The following EPHA6 variants were observed in gnomAD, a reference collection of about 807,000 sequenced individuals.
The protein encoded by EPHA6 is EPH receptor A6.
Under a neutral mutation model 112.0 loss-of-function variants are expected in EPHA6, and 50 were observed. The ratio of observed to expected loss-of-function variants is 0.45; its 90% CI spans 0.36 to 0.56. The LOEUF (loss-of-function observed/expected upper bound fraction) is 0.56, where lower values mean the gene tolerates loss of function less well. Among genes scored for constraint, EPHA6 ranks in the 20% least tolerant of loss-of-function variants. The pLI, the probability that EPHA6 is intolerant of heterozygous loss-of-function variation, is 0.00. For synonymous variants in EPHA6, 529 were observed against 490.7 expected (o/e 1.08, Z -1.03); for missense variants, 1,280 against 1,417.4 (o/e 0.90, Z 1.56).
chr3:97,562,888 A>G (rs1202892463), intron 11 of EPHA6, among the ~76,000 whole-genome samples: 2 of 152,178 alleles, frequency 1.3e-5, no homozygotes, highest in Non-Finnish European at 2.9e-5. Context: ...AAAGATTACT[A>G]CTTGCTGAGG....
intron 5 of EPHA6, among the ~76,000 whole-genome samples, chr3:97,378,742 T>C (rs2085530796): frequency 6.6e-6 from 1 of 152,192 alleles, no homozygotes; most frequent in Admixed American, 6.5e-5. Flanking sequence ...TCATGGGCCT[T>C]GTAACCCATT....
intron 5 of EPHA6, among the ~76,000 whole-genome samples, chr3:97,277,176 C>G (rs942047172): frequency 2.0e-4 from 31 of 152,072 alleles, no homozygotes; most frequent in African/African-American, 7.2e-4. Flanking sequence ...TTTGTGTGAG[C>G]AACAAGGCTA....
chr3:96,847,829 G>A (rs1361649744), intron 1 of EPHA6, among the ~76,000 whole-genome samples: 1 of 152,108 alleles, frequency 6.6e-6, no homozygotes, highest in East Asian at 1.9e-4. Context: ...AAGTAATCTA[G>A]GGGTAGGTAG....
intron 5 of EPHA6, among the ~76,000 whole-genome samples, chr3:97,372,697 A>G (rs771947930): frequency 2.6e-5 from 4 of 152,164 alleles, no homozygotes; most frequent in Non-Finnish European, 5.9e-5. Context: ...CATAATATAC[A>G]TAATATAATC....
intron 14 of EPHA6, among the ~76,000 whole-genome samples, chr3:97,689,941 T>C (rs2032543124): frequency 6.6e-6 from 1 of 152,248 alleles, no homozygotes; most frequent in Admixed American, 6.5e-5. Flanking sequence ...AGTTTGTCTG[T>C]ATTGTAGCAT....
chr3:96,955,105 T>C (rs1437998418), intron 2 of EPHA6, among the ~76,000 whole-genome samples: 1 of 152,186 alleles, frequency 6.6e-6, no homozygotes, highest in Admixed American at 6.5e-5. Context: ...GTCTCTAATA[T>C]TTCACTGAGC....
rs546411155 is a variant in EPHA6 at position 97,544,682 on chromosome 3, G to T, written c.2386+12139G>T. ...GAAGGAATGGTACCAGCTCCTCTTT[G>T]TACCTCTGGTAGAATTCGGCTGTGA... On this transcript the variant is annotated intron_variant, in intron 11 of 17. Coordinates refer to ENST00000389672, the MANE Select transcript of EPHA6 (RefSeq NM_001080448.3). 3.0e-3 allele frequency among the ~76,000 whole-genome samples: 462 copies of T among 152,278 alleles called. 2 individuals carry two copies. The highest frequency in any genetic ancestry group is 0.011 in the African/African-American group (446 of 41,554).
At chr3:96,863,400 G>A (rs2036121528) in intron 1 of EPHA6, among the ~76,000 whole-genome samples, 2 of 151,858 alleles carry the variant, frequency 1.3e-5, no homozygotes, top group African/African-American at 2.4e-5. Flanking sequence ...GGTTTTGTAT[G>A]TGAAACAAAT....
chr3:97,665,637 C>G (rs2029975544), intron 14 of EPHA6, among the ~76,000 whole-genome samples: 1 of 152,176 alleles, frequency 6.6e-6, no homozygotes, highest in African/African-American at 2.4e-5. Flanking sequence ...TCCATAACTA[C>G]CAATTATTCC....
intron 6 of EPHA6, among the ~76,000 whole-genome samples, chr3:97,438,678 A>T (rs2089981235): frequency 6.6e-6 from 1 of 152,196 alleles, no homozygotes; most frequent in African/African-American, 2.4e-5. Context: ...TTGTCACAGC[A>T]TCTGCAAGAT....
At chr3:96,852,180 G>A (rs1003479834) in intron 1 of EPHA6, among the ~76,000 whole-genome samples, 6 of 151,888 alleles carry the variant, frequency 4.0e-5, no homozygotes, top group African/African-American at 1.5e-4. Flanking sequence ...TTTTCTTAAG[G>A]TGAGTCCAGT....
intron 4 of EPHA6, among the ~76,000 whole-genome samples, chr3:97,234,525 C>T (rs1360368975): frequency 2.0e-5 from 3 of 152,220 alleles, no homozygotes; most frequent in Non-Finnish European, 2.9e-5. Flanking sequence ...TCTTCATTGA[C>T]ATTTTGTATT....
chr3:96,864,646 A>C (rs1182504433), intron 1 of EPHA6, among the ~76,000 whole-genome samples: 1 of 152,052 alleles, frequency 6.6e-6, no homozygotes, highest in African/African-American at 2.4e-5. Flanking sequence ...GGAGTTTGTC[A>C]TGATTTACAA....
At chr3:97,586,106 C>A (rs1359852775) in intron 11 of EPHA6, among the ~76,000 whole-genome samples, 1 of 152,158 alleles carries the variant, frequency 6.6e-6, no homozygotes, top group African/African-American at 2.4e-5. Context: ...TAATTTGTCA[C>A]TTTTCATTTG....
Position 97,154,010 on chromosome 3 carries a change from A to G in EPHA6, c.1115-72254A>G, listed in dbSNP as rs191790978. On this transcript the variant is annotated intron_variant, in intron 3 of 17. Transcript: ENST00000389672. Reference sequence around the variant, plus strand: ...GCGAAATCCCATCTCTACTGAAAATACAAAATTAGCCCAGTGTGGTGGTGC... The same window carrying G: ...GCGAAATCCCATCTCTACTGAAAATGCAAAATTAGCCCAGTGTGGTGGTGC... Among the ~76,000 whole-genome samples the G allele has an allele frequency of 1.4e-4, 21 of 152,112 alleles. No homozygotes were observed. In the East Asian group the frequency reaches 1.9e-3, roughly 14 times the overall value.
chr3:96,857,930 A>G (rs2035791374), intron 1 of EPHA6, among the ~76,000 whole-genome samples: 1 of 152,126 alleles, frequency 6.6e-6, no homozygotes, highest in South Asian at 2.1e-4. Context: ...TGACTGTGAA[A>G]TCTGAATGTT....
intron 3 of EPHA6, among the ~76,000 whole-genome samples, chr3:97,140,037 T>C (rs1158161031): frequency 6.6e-6 from 1 of 152,012 alleles, no homozygotes; most frequent in Non-Finnish European, 1.5e-5. Context: ...AAAAATTCAC[T>C]GAGGGAACTT....
intron 3 of EPHA6, among the ~76,000 whole-genome samples, chr3:97,221,308 C>CTT (rs2078190364): frequency 6.1e-5 from 1 of 16,392 alleles, no homozygotes; most frequent in Non-Finnish European, 1.8e-4. Flanking sequence ...GACTCTGTCT[C>CTT]AAAAAAAAAA....
intron 1 of EPHA6, among the ~76,000 whole-genome samples, chr3:96,829,219 G>C (rs1042154252): frequency 1.1e-4 from 16 of 152,090 alleles, no homozygotes; most frequent in Non-Finnish European, 1.5e-5. Context: ...AATTTGATGG[G>C]AGTAGAGGAG....
Sources: gnomAD v4.1 joint callset for allele counts (sites outside exome capture counted in the v4.1 genomes callset) on GRCh38, gnomAD v4.1.1 for gene constraint, MANE v1.5 for transcripts, NCBI Gene and HGNC (gene_info 2026-07-23, HGNC 2026-07-21) for gene names.